NFIC: variants seen among roughly 807,000 people sequenced by gnomAD.
NFIC encodes the protein nuclear factor I C.
Under a neutral mutation model 54.4 loss-of-function variants are expected in NFIC, and 12 were observed. That is an observed-to-expected ratio of 0.22 (90% CI 0.14 to 0.36). NFIC has a LOEUF of 0.36. NFIC is among the 10% of genes least tolerant of loss of function. NFIC has a pLI of 1.00. For missense variants in NFIC, 575 were observed against 718.2 expected (o/e 0.80, Z 2.28); for synonymous variants, 322 against 319.2 (o/e 1.01, Z -0.09).
upstream of NFIC, among the ~76,000 whole-genome samples, chr19:3,364,381 C>T (rs1047721533): frequency 4.6e-5 from 7 of 152,216 alleles, no homozygotes; most frequent in East Asian, 1.9e-4. Context: ...GAGGGAGAGC[C>T]GAGGTGCAGA....
At chr19:3,417,751 G>T (rs1202175589) in intron 2 of NFIC, among the ~76,000 whole-genome samples, 1 of 148,530 alleles carries the variant, frequency 6.7e-6, no homozygotes, top group Non-Finnish European at 1.5e-5. Context: ...TCAGCCTCCC[G>T]AGTAGCTGGG....
At chr19:3,448,805 C>T (rs535793048) in intron 6 of NFIC, among the ~76,000 whole-genome samples, 134 of 152,310 alleles carry the variant, frequency 8.8e-4, no homozygotes, top group African/African-American at 3.2e-3. Flanking sequence ...CATCCCCCGG[C>T]TGTGCCGCCC....
intron 3 of NFIC, among the ~76,000 whole-genome samples, chr19:3,432,407 C>T (rs950057385): frequency 2.0e-5 from 3 of 152,112 alleles, no homozygotes; most frequent in Non-Finnish European, 2.9e-5. Context: ...GACAGACATC[C>T]CTGCCCACAC....
At chr19:3,404,174 G>C (rs1463765475) in intron 2 of NFIC, among the ~76,000 whole-genome samples, 2 of 151,696 alleles carry the variant, frequency 1.3e-5, no homozygotes, top group African/African-American at 4.8e-5. Flanking sequence ...AGGCCTGCCA[G>C]GAAGGTGTTG....
At chr19:3,364,895 G>A (rs564275661), upstream of NFIC, among the ~76,000 whole-genome samples, 72 of 152,220 alleles carry the variant, frequency 4.7e-4, no homozygotes, top group African/African-American at 1.7e-3. Flanking sequence ...ATTGCTTCAC[G>A]TTATATTGGT....
chr19:3,425,230 C>T (rs1313146021), intron 3 of NFIC, 53 bp downstream of exon 3: 36 of 1,537,480 alleles, frequency 2.3e-5, no homozygotes, highest in South Asian at 2.1e-4. Context: ...GCCCTGTCCT[C>T]GTCTTTTATT....
chr19:3,387,162 G>A (rs1359265123), intron 2 of NFIC, among the ~76,000 whole-genome samples: 1 of 152,172 alleles, frequency 6.6e-6, no homozygotes, highest in Non-Finnish European at 1.5e-5. Context: ...GCGGTGGAGG[G>A]GCACCTGCCA....
At chr19:3,381,395 C>CAAAAAAAAAA (rs71164686) in intron 1 of NFIC, among the ~76,000 whole-genome samples, 25 of 100,892 alleles carry the variant, frequency 2.5e-4, no homozygotes, top group South Asian at 9.1e-4. Flanking sequence ...GACTCCGTCT[C>CAAAAAAAAAA]AAAAAAAAAA....
At chr19:3,425,259 C>A in intron 3 of NFIC, 82 bp downstream of exon 3, 1 of 1,455,532 alleles carries the variant, frequency 6.9e-7, no homozygotes, top group Non-Finnish European at 9.3e-7. Flanking sequence ...ATTTGCTTGG[C>A]ACCACTCGTT....
At chr19:3,385,049 A>C (rs1471390252) in intron 2 of NFIC, among the ~76,000 whole-genome samples, 1 of 104,758 alleles carries the variant, frequency 9.5e-6, no homozygotes, top group Non-Finnish European at 1.8e-5. Context: ...TCTGCTCAGC[A>C]GGCAGGCCTG....
At chr19:3,444,922 CACAT>C (rs1475148438) in intron 6 of NFIC, among the ~76,000 whole-genome samples, 2 of 152,182 alleles carry the variant, frequency 1.3e-5, no homozygotes, top group African/African-American at 4.8e-5. Flanking sequence ...CGTGCAAGCA[CACAT>C]ACATAGACAT....
At chr19:3,449,619 GCGTGGTGGCA>G (rs964260923) in intron 7 of NFIC, among the ~76,000 whole-genome samples, 1 of 151,656 alleles carries the variant, frequency 6.6e-6, no homozygotes, top group African/African-American at 2.4e-5. Flanking sequence ...AATTAGCCAG[GCGTGGTGGCA>G]CGCACCTGTA....
intron 1 of NFIC, among the ~76,000 whole-genome samples, chr19:3,359,917 T>TG (rs1314740031): frequency 2.1e-5 from 3 of 146,294 alleles, no homozygotes; most frequent in African/African-American, 5.0e-5. Context: ...AGACCCCAAG[T>TG]GGGGGGCCCC....
At position 3,382,368 on chromosome 19, in the gene NFIC, G is replaced by T. The variant is rs2081225966; in HGVS notation, c.562+125G>T. On this transcript the variant is annotated intron_variant, in intron 2 of 10. Coordinates refer to ENST00000443272, the MANE Select transcript of NFIC (RefSeq NM_001245002.2). Reference sequence around the variant, plus strand: ...GGTATGATGTGGTGGTCTGAGAGGGGAAGTGGGCCTTGGAGAGTGCCCAAT... The same window carrying T: ...GGTATGATGTGGTGGTCTGAGAGGGTAAGTGGGCCTTGGAGAGTGCCCAAT... 9 of 1,363,334 alleles carry T rather than the reference G, an allele frequency of 6.6e-6. No homozygotes were observed. In the South Asian group the frequency reaches 1.1e-4, roughly 17 times the overall value. 84.5% of individuals were successfully genotyped at this position (1,363,334 alleles called of 1,614,324 possible).
At position 3,464,878 on chromosome 19, in the gene NFIC, G is replaced by A. The variant is rs1381390568; in HGVS notation, c.*2109G>A. ...TGGGCCGCTCTCCGGGAGGGCGGGC[G>A]GGGGAGGGGGTGGTCGGGTTGTGCC... On this transcript the variant is annotated 3_prime_UTR_variant, in exon 11 of 11. Coordinates refer to ENST00000443272, the MANE Select transcript of NFIC (RefSeq NM_001245002.2). The A allele has an allele frequency of 3.5e-5, 7 of 199,764 alleles. No homozygotes were observed. Among genetic ancestry groups the A allele is most frequent in the Non-Finnish European group, 6.3e-5 (7 of 111,840 alleles). The allele number at this position is 199,764 out of a possible 1,614,324, so 12.4% of individuals were successfully genotyped here.
At position 3,453,828 on chromosome 19, in the gene NFIC, G is replaced by C. The variant is rs772992407; in HGVS notation, c.1335G>C (p.Pro445=). Residue 445 remains proline, a synonymous_variant, in exon 9 of 11, where the codon CCG becomes CCC. Transcript: ENST00000443272. This position sits in a 1 kb window ranked among gnomAD's most constrained non-coding sequence, Gnocchi z 6.7. ...HCLSAQMLAP[P]PPGLPRLALP... ...TTTCTGCTCAGATGCTGGCACCTCCGCCCCCGGGGCTGCCACGGCTGGCGC... is the reference window on the plus strand; with the variant it reads ...TTTCTGCTCAGATGCTGGCACCTCCCCCCCCGGGGCTGCCACGGCTGGCGC... 1.3e-6 allele frequency: 2 copies of C among 1,594,364 alleles called. No individual in the cohort carries two copies. The highest frequency in any genetic ancestry group is 4.6e-5 in the East Asian group (2 of 43,340).
At chr19:3,439,973 C>A (rs937092460) in intron 6 of NFIC, among the ~76,000 whole-genome samples, 8 of 152,120 alleles carry the variant, frequency 5.3e-5, no homozygotes, top group Non-Finnish European at 1.2e-4. Flanking sequence ...CAGGCGTGAG[C>A]CACCGCGCCC....
At chr19:3,423,762 G>A (rs2081987839) in intron 2 of NFIC, among the ~76,000 whole-genome samples, 1 of 152,154 alleles carries the variant, frequency 6.6e-6, no homozygotes, top group Admixed American at 6.5e-5. Context: ...AGCTGGGCGG[G>A]CAGTGGGGTC....
intron 6 of NFIC, among the ~76,000 whole-genome samples, chr19:3,441,400 CT>C (rs2082291690): frequency 6.6e-6 from 1 of 152,272 alleles, no homozygotes; most frequent in Non-Finnish European, 1.5e-5. Flanking sequence ...AGGGCTGCCC[CT>C]GGCCATCAGT....
Sources: gnomAD v4.1 joint callset for allele counts (sites outside exome capture counted in the v4.1 genomes callset) on GRCh38, gnomAD v4.1.1 for gene constraint, Gnocchi (gnomAD v3.1) non-coding constraint, MANE v1.5 for transcripts, NCBI Gene and HGNC (gene_info 2026-07-23, HGNC 2026-07-21) for gene names.